Variants in ANXA8 observed in about 807,000 individuals in gnomAD.
ANXA8 encodes VAC-beta.
Under a neutral mutation model 26.8 loss-of-function variants are expected in ANXA8, and 9 were observed. That is an observed-to-expected ratio of 0.34 (90% CI 0.20 to 0.59). The LOEUF (loss-of-function observed/expected upper bound fraction) is 0.59. Ranked by LOEUF, ANXA8 falls within the 20% of genes least tolerant of loss-of-function variation. The pLI is 0.84. For missense variants in ANXA8, 83 were observed against 238.5 expected (o/e 0.35, Z 4.29); for synonymous variants, 39 against 94.8 (o/e 0.41, Z 3.42).
At chr10:47,577,534 C>T in the ANXA8 span, among the ~76,000 whole-genome samples, 1,183 of 122,342 alleles carry the variant, frequency 9.7e-3, 24 homozygotes, top group African/African-American at 0.034. Flanking sequence ...ATTAGCTGGG[C>T]ATGGTGGTGT....
the ANXA8 span, chr10:47,565,606 G>C: frequency 3.3e-6 from 1 of 298,652 alleles, no homozygotes; most frequent in East Asian, 6.2e-5. Flanking sequence ...ACGGCCCGGC[G>C]CGCTACCCCG....
the ANXA8 span, among the ~76,000 whole-genome samples, chr10:47,727,270 A>T: frequency 6.6e-6 from 1 of 152,298 alleles, no homozygotes; most frequent in Non-Finnish European, 1.5e-5. Flanking sequence ...ATATATATGA[A>T]GATAGTCCAG....
chr10:47,700,103 A>G, the ANXA8 span, among the ~76,000 whole-genome samples: 8 of 152,120 alleles, frequency 5.3e-5, no homozygotes, highest in East Asian at 3.9e-4. Flanking sequence ...TGTAAATTCA[A>G]TGTAGTTCCA....
the ANXA8 span, among the ~76,000 whole-genome samples, chr10:47,960,225 G>A: frequency 6.8e-6 from 1 of 147,114 alleles, no homozygotes; most frequent in Non-Finnish European, 1.5e-5. Context: ...TGACTGATAT[G>A]GATGCCTAAG....
the ANXA8 span, among the ~76,000 whole-genome samples, chr10:47,646,656 A>G: frequency 2.0e-5 from 3 of 151,768 alleles, no homozygotes; most frequent in African/African-American, 7.3e-5. Context: ...CAATAATCCT[A>G]TGGGAGGATT....
At chr10:47,921,961 GA>G in the ANXA8 span, 1 of 383,062 alleles carries the variant, frequency 2.6e-6, no homozygotes, top group African/African-American at 2.4e-5. Flanking sequence ...CTTAGTTCAA[GA>G]GTCCTGGAAT....
the ANXA8 span, among the ~76,000 whole-genome samples, chr10:47,658,941 G>A: frequency 1.8e-4 from 27 of 148,708 alleles, no homozygotes; most frequent in African/African-American, 6.7e-4. Flanking sequence ...GCATGGTCTC[G>A]GCTCACTGCA....
At chr10:47,693,985 C>T in the ANXA8 span, among the ~76,000 whole-genome samples, 4,888 of 151,544 alleles carry the variant, frequency 0.032, 54 homozygotes, top group Non-Finnish European at 0.038. Context: ...GGATCCTGGA[C>T]CATGGTCATT....
At chr10:47,690,024 G>C in the ANXA8 span, 2 of 1,324,204 alleles carry the variant, frequency 1.5e-6, no homozygotes, top group Non-Finnish European at 2.1e-6. Flanking sequence ...AATCCCAGAA[G>C]ATTCACTCCT....
the ANXA8 span, among the ~76,000 whole-genome samples, chr10:47,776,030 T>C: frequency 6.6e-6 from 1 of 151,918 alleles, no homozygotes; most frequent in African/African-American, 2.4e-5. Context: ...GGCAACTCAG[T>C]TTCAAAGCAG....
the ANXA8 span, chr10:47,985,838 A>G: frequency 6.7e-5 from 10 of 149,626 alleles, no homozygotes; most frequent in African/African-American, 2.2e-4. Flanking sequence ...GAATCATACA[A>G]TGTTTATTCT....
the ANXA8 span, among the ~76,000 whole-genome samples, chr10:47,941,842 A>C: frequency 6.8e-6 from 1 of 147,694 alleles, no homozygotes; most frequent in Non-Finnish European, 1.5e-5. Context: ...AGGAAAAGGC[A>C]TGTGGAGAAG....
At chr10:47,484,211 G>A, upstream of ANXA8, 1 of 738,466 alleles carries the variant, frequency 1.4e-6, no homozygotes, top group South Asian at 1.5e-5. Flanking sequence ...CAGATATTTG[G>A]GCTGTGGCTG....
chr10:47,648,467 C>T, the ANXA8 span, among the ~76,000 whole-genome samples: 1 of 149,884 alleles, frequency 6.7e-6, no homozygotes, highest in South Asian at 2.1e-4. Context: ...GCATTTCAAT[C>T]TTTTTTGAAG....
At chr10:47,743,405 TGA>T in the ANXA8 span, among the ~76,000 whole-genome samples, 238 of 83,514 alleles carry the variant, frequency 2.8e-3, 4 homozygotes, top group African/African-American at 8.8e-3. Flanking sequence ...TGTGTGTGTG[TGA>T]GAGAGAGAGA....
At chr10:47,940,504 T>G in the ANXA8 span, among the ~76,000 whole-genome samples, 1 of 145,804 alleles carries the variant, frequency 6.9e-6, no homozygotes, top group Admixed American at 6.7e-5. Flanking sequence ...CTTTAGGGCC[T>G]AGGGGAATGG....
At chr10:47,525,601 A>AGGTAGAAGTCAAGCTTGGATG in the ANXA8 span, among the ~76,000 whole-genome samples, 2 of 137,342 alleles carry the variant, frequency 1.5e-5, no homozygotes. Context: ...CAGAAAGTAA[A>AGGTAGAAGTCAAGCTTGGATG]GGTAGAAGTC....
At chr10:47,510,001 C>T in the ANXA8 span, among the ~76,000 whole-genome samples, 3 of 142,132 alleles carry the variant, frequency 2.1e-5, no homozygotes, top group African/African-American at 5.2e-5. Context: ...TTTTTCCTTC[C>T]ACCACGACGT....
At chr10:47,618,262 A>G in the ANXA8 span, among the ~76,000 whole-genome samples, 2 of 108,812 alleles carry the variant, frequency 1.8e-5, no homozygotes, top group Non-Finnish European at 4.0e-5. Context: ...ATTTTCAAAT[A>G]TTTTTCAAAA....
Sources: gnomAD v4.1 joint callset for allele counts (sites outside exome capture counted in the v4.1 genomes callset) on GRCh38, gnomAD v4.1.1 for gene constraint, MANE v1.5 for transcripts, NCBI Gene and HGNC (gene_info 2026-07-23, HGNC 2026-07-21) for gene names.